The following PRLR variants were observed in gnomAD, a reference collection of about 807,000 sequenced individuals.
The protein encoded by PRLR is hPRL receptor.
PRLR carries 13 observed loss-of-function variants against 40.2 expected under a neutral mutation model. That is an observed-to-expected ratio of 0.32 (90% CI 0.21 to 0.51). PRLR has a LOEUF of 0.51. Ranked by LOEUF, PRLR falls within the 20% of genes least tolerant of loss-of-function variation. The probability of loss-of-function intolerance (pLI) is 0.97; values close to 1 mark genes in which losing one functional copy is unlikely to be tolerated. For missense variants in PRLR, 656 were observed against 747.3 expected (o/e 0.88, Z 1.42); for synonymous variants, 269 against 278.7 (o/e 0.97, Z 0.35).
At chr5:35,050,923 G>C (rs1044819079), downstream of PRLR, among the ~76,000 whole-genome samples, 1 of 152,210 alleles carries the variant, frequency 6.6e-6, no homozygotes, top group African/African-American at 2.4e-5. Context: ...TATGAAGAAT[G>C]CTGTGTGCAG....
chr5:35,189,704 G>T (rs1484019737), intron 1 of PRLR, among the ~76,000 whole-genome samples: 2 of 152,122 alleles, frequency 1.3e-5, no homozygotes, highest in Non-Finnish European at 2.9e-5. Context: ...CGGAGTTCTA[G>T]GTTCTTTGCA....
chr5:35,222,026 C>A (rs1287439775), intron 1 of PRLR, among the ~76,000 whole-genome samples: 2 of 152,160 alleles, frequency 1.3e-5, no homozygotes, highest in Non-Finnish European at 2.9e-5. Flanking sequence ...AGCTGTTGGC[C>A]GGGTGCAATG....
intron 8 of PRLR, chr5:35,049,499 T>C (rs1246544364): frequency 1.6e-6 from 1 of 637,706 alleles, no homozygotes; most frequent in African/African-American, 1.8e-5. Flanking sequence ...GAAAATAAAT[T>C]ATTCGGATTA....
intron 1 of PRLR, among the ~76,000 whole-genome samples, chr5:35,121,463 G>C (rs1228196996): frequency 6.6e-6 from 1 of 151,808 alleles, no homozygotes; most frequent in East Asian, 1.9e-4. Context: ...CATTTTTTTT[G>C]TCAGCCTGAC....
At chr5:35,199,225 T>C (rs1465782597) in intron 1 of PRLR, among the ~76,000 whole-genome samples, 1 of 152,206 alleles carries the variant, frequency 6.6e-6, no homozygotes, top group Non-Finnish European at 1.5e-5. Context: ...GCAGATCAGC[T>C]GAGTGAGAGA....
chr5:35,184,438 C>T (rs909968900), intron 1 of PRLR, among the ~76,000 whole-genome samples: 1 of 152,056 alleles, frequency 6.6e-6, no homozygotes, highest in Non-Finnish European at 1.5e-5. Flanking sequence ...TGCTTGATCC[C>T]GGGAGGAAGA....
intron 1 of PRLR, among the ~76,000 whole-genome samples, chr5:35,163,745 C>A (rs1323928740): frequency 2.0e-5 from 3 of 152,206 alleles, no homozygotes; most frequent in African/African-American, 4.8e-5. Context: ...TTTCTTAATC[C>A]TTCTCAAGTG....
chr5:35,065,719 A>G lies in PRLR; in HGVS notation c.1239T>C (p.Cys413=). The change falls in exon 10 of 10, where the codon TGT becomes TGC. Residue 413 remains cysteine, a synonymous_variant. Coordinates refer to ENST00000618457, the MANE Select transcript of PRLR (RefSeq NM_000949.7). ...TGGGCTGTGGTAAGGGCCATGTTGA[A>G]CATTTGGATCCACCAGCATGAAAAT... ...IPYFHAGGSK[C]STWPLPQPSQ... The G allele has an allele frequency of 1.2e-6, 2 of 1,614,134 alleles. No individual in the cohort carries two copies. The highest frequency in any genetic ancestry group is 1.6e-4 in the Middle Eastern group (1 of 6,062).
chr5:35,081,044 G>C (rs1265352922), intron 5 of PRLR, among the ~76,000 whole-genome samples: 2 of 121,344 alleles, frequency 1.6e-5, no homozygotes, highest in African/African-American at 3.1e-5. Context: ...CCTGTCATGG[G>C]GTGGGGGGAG....
intron 1 of PRLR, among the ~76,000 whole-genome samples, chr5:35,148,715 A>G (rs2111852389): frequency 6.6e-6 from 1 of 152,284 alleles, no homozygotes; most frequent in South Asian, 2.1e-4. Context: ...TTAGAAACGA[A>G]AGGATCTTTG....
rs1770700494 is a variant in PRLR, at chr5:35,084,177, G to A, written c.373+293C>T. Among the ~76,000 whole-genome samples the A allele has an allele frequency of 2.0e-5, 3 of 152,182 alleles. No individual in the cohort carries two copies. The South Asian group carries it at 6.2e-4, about 32-fold the overall frequency. Reference sequence around the variant, plus strand: ...GAAGCGGACATCAATTGCAAGGGCAGGGCAAGAAAGAAGAGTTGGCAAGGG... The same window carrying A: ...GAAGCGGACATCAATTGCAAGGGCAAGGCAAGAAAGAAGAGTTGGCAAGGG... On this transcript the variant is annotated intron_variant, in intron 5 of 9. Coordinates refer to ENST00000618457, the MANE Select transcript of PRLR (RefSeq NM_000949.7).
At chr5:35,136,753 T>C (rs1773870322) in intron 1 of PRLR, among the ~76,000 whole-genome samples, 1 of 152,154 alleles carries the variant, frequency 6.6e-6, no homozygotes, top group Non-Finnish European at 1.5e-5. Flanking sequence ...ATCTCTACTT[T>C]TTACAGTGGT....
chr5:35,220,337 C>A (rs540095143), intron 1 of PRLR, among the ~76,000 whole-genome samples: 5 of 152,238 alleles, frequency 3.3e-5, no homozygotes, highest in African/African-American at 1.2e-4. Flanking sequence ...AGACCTTTTC[C>A]AGTCTTAGGA....
At chr5:35,050,094 G>T (rs1768440501) in intron 8 of PRLR, among the ~76,000 whole-genome samples, 2 of 151,890 alleles carry the variant, frequency 1.3e-5, no homozygotes, top group African/African-American at 4.8e-5. Flanking sequence ...TAGAGACGGG[G>T]TTTCTCCATG....
Position 35,154,818 on chromosome 5 carries a change from C to T in PRLR, c.-105-36696G>A, listed in dbSNP as rs146704711. 3.9e-3 allele frequency among the ~76,000 whole-genome samples: 587 copies of T among 152,166 alleles called. 5 individuals carry two copies. The highest frequency in any genetic ancestry group is 0.013 in the African/African-American group (541 of 41,502). ...GGAATACTATGCAGCCATAAAAAAA[C>T]GAGATCATGTCTTCTTCAGGGACAT... On this transcript the variant is annotated intron_variant, in intron 1 of 9. Coordinates refer to ENST00000618457, the MANE Select transcript of PRLR (RefSeq NM_000949.7).
chr5:35,049,627 C>A (rs1038833109), intron 8 of PRLR, among the ~76,000 whole-genome samples: 3 of 152,300 alleles, frequency 2.0e-5, no homozygotes, highest in African/African-American at 4.8e-5. Flanking sequence ...TTTCAGAAAT[C>A]TTTCTCTACA....
intron 1 of PRLR, among the ~76,000 whole-genome samples, chr5:35,185,000 G>A (rs1259028948): frequency 6.6e-6 from 1 of 152,194 alleles, no homozygotes; most frequent in East Asian, 1.9e-4. Context: ...GGAAAGTTTT[G>A]TTTTGCATAA....
intron 1 of PRLR, among the ~76,000 whole-genome samples, chr5:35,158,590 G>T (rs1774578579): frequency 6.6e-6 from 1 of 152,076 alleles, no homozygotes. Context: ...CCCAATGAAG[G>T]GTGAATATGT....
intron 1 of PRLR, among the ~76,000 whole-genome samples, chr5:35,197,954 CT>C (rs1775781319): frequency 6.6e-6 from 1 of 152,240 alleles, no homozygotes; most frequent in Non-Finnish European, 1.5e-5. Context: ...GGAAAACCGC[CT>C]CTGATGGCTG....
Sources: gnomAD v4.1 joint callset for allele counts (sites outside exome capture counted in the v4.1 genomes callset) on GRCh38, gnomAD v4.1.1 for gene constraint, MANE v1.5 for transcripts, NCBI Gene and HGNC (gene_info 2026-07-23, HGNC 2026-07-21) for gene names.